The following SULT1A2 variants were observed in gnomAD, a reference collection of about 807,000 sequenced individuals.
The protein encoded by SULT1A2 is sulfotransferase 1A2.
In SULT1A2, 33 loss-of-function variants were observed where a neutral mutation model predicts 36.0. The ratio of observed to expected loss-of-function variants is 0.92; its 90% CI spans 0.69 to 1.22. The LOEUF (loss-of-function observed/expected upper bound fraction) is 1.22. SULT1A2 is among the 50% of genes most tolerant of loss of function. The pLI is 0.00. For missense variants in SULT1A2, 367 were observed against 383.2 expected, an observed-to-expected ratio of 0.96 and a Z score of 0.35; for synonymous variants, 138 against 144.5, an observed-to-expected ratio of 0.96 and a Z score of 0.32.
Position 28,595,655 on chromosome 16 carries a change from T to C in SULT1A2, c.169A>G (p.Ile57Val). ...PKSGTTWVSQ[I>V]LDMIYQGGDL... The stretch of plus-strand genomic sequence containing the variant: ...CCGCCCTGGTAGATCATGTCCAGAA[T>C]CTGGCTCACCCAGGTGGTGCCTGGA... Residue 57 changes from isoleucine (I) to valine (V), a missense_variant, in exon 3 of 8, where the codon ATT becomes GTT. Ile to Val is a conservative substitution (Grantham distance 29). Coordinates refer to ENST00000335715, the MANE Select transcript of SULT1A2 (RefSeq NM_001054.4). 1 of 1,614,142 alleles carries C rather than the reference T, an allele frequency of 6.2e-7. No homozygotes were observed. Among genetic ancestry groups the C allele is most frequent in the East Asian group, 2.2e-5 (1 of 44,870 alleles).
At position 28,597,016 on chromosome 16, in the gene SULT1A2, G is replaced by A; in HGVS notation, c.-24C>T. ...ACTCACCTGAGCTCTTGGGAACCTG[G>A]CCTTGTGCCCTCCTCGCCCGCAGTG... On this transcript the variant is annotated 5_prime_UTR_variant, in exon 1 of 8. Coordinates refer to ENST00000335715, the MANE Select transcript of SULT1A2 (RefSeq NM_001054.4). The A allele has an allele frequency of 3.1e-6, 4 of 1,281,574 alleles. No individual in the cohort carries two copies. The South Asian group carries it at 3.7e-5, about 12-fold the overall frequency. 79.4% of individuals were successfully genotyped at this position (1,281,574 alleles called of 1,614,324 possible).
intron 4 of SULT1A2, among the ~76,000 whole-genome samples, chr16:28,594,748 C>T (rs1368926245): frequency 1.3e-5 from 2 of 148,628 alleles, no homozygotes; most frequent in African/African-American, 4.9e-5. Flanking sequence ...CCACAACAGG[C>T]CCAGCCCCCT....
At chr16:28,596,772 G>A (rs1596615686) in intron 1 of SULT1A2, 2 of 281,318 alleles carry the variant, frequency 7.1e-6, no homozygotes, top group African/African-American at 2.3e-5. Flanking sequence ...ATTCAAGGCT[G>A]CAGTGGCCAG....
chr16:28,594,688 G>A (rs2047037481), intron 4 of SULT1A2, among the ~76,000 whole-genome samples: 1 of 150,704 alleles, frequency 6.6e-6, no homozygotes, highest in Non-Finnish European at 1.5e-5. Flanking sequence ...CCTAACCTTG[G>A]GTGATCTGCC....
intron 4 of SULT1A2, among the ~76,000 whole-genome samples, chr16:28,594,977 T>A (rs898571160): frequency 2.0e-5 from 3 of 151,748 alleles, no homozygotes; most frequent in African/African-American, 7.3e-5. Context: ...GAGATGGGGT[T>A]TTGCCATGTT....
chr16:28,594,225 T>C (rs2151663483), intron 4 of SULT1A2, among the ~76,000 whole-genome samples: 1 of 152,140 alleles, frequency 6.6e-6, no homozygotes, highest in East Asian at 1.9e-4. Flanking sequence ...ACTGCAACGT[T>C]GACCTCCCAG....
At chr16:28,593,119 A>T in intron 6 of SULT1A2, 133 bp downstream of exon 6, 1 of 1,342,224 alleles carries the variant, frequency 7.5e-7, no homozygotes. Context: ...GGCCTGGGCC[A>T]GGGAGTCAAG....
Position 28,595,670 on chromosome 16 carries a change from T to A in SULT1A2, c.154A>T (p.Thr52Ser), listed in dbSNP as rs752979804. ...LISTYPKSGT[T>S]WVSQILDMIY... The stretch of plus-strand genomic sequence containing the variant: ...ATGTCCAGAATCTGGCTCACCCAGG[T>A]GGTGCCTGGAGAGGGAGGGAGATGG... Residue 52 changes from threonine (T) to serine (S), a missense_variant, in exon 3 of 8, where the codon ACC becomes TCC. Transcript: ENST00000335715. The A allele has an allele frequency of 1.7e-5, 27 of 1,613,868 alleles. No individual in the cohort carries two copies. Among genetic ancestry groups the A allele is most frequent in the Non-Finnish European group, 8.5e-7 (1 of 1,179,982 alleles).
intron 4 of SULT1A2, among the ~76,000 whole-genome samples, chr16:28,594,640 AC>A (rs1327732328): frequency 6.6e-6 from 1 of 151,252 alleles, no homozygotes; most frequent in Non-Finnish European, 1.5e-5. Flanking sequence ...TTTAGTAGAG[AC>A]GGGGTTTCTC....
chr16:28,593,155 G>A (rs2047014325), intron 6 of SULT1A2, 97 bp downstream of exon 6: 1 of 1,557,632 alleles, frequency 6.4e-7, no homozygotes, highest in Non-Finnish European at 8.7e-7. Context: ...CTGCTGGAGG[G>A]GCCGCCCAGG....
intron 6 of SULT1A2, among the ~76,000 whole-genome samples, chr16:28,592,976 A>C (rs985585821): frequency 1.3e-5 from 2 of 152,154 alleles, no homozygotes; most frequent in African/African-American, 2.4e-5. Context: ...ACACCACTGC[A>C]TGCCATCCTG....
chr16:28,594,275 G>C (rs1396183858), intron 4 of SULT1A2, among the ~76,000 whole-genome samples: 1 of 151,856 alleles, frequency 6.6e-6, no homozygotes, highest in Non-Finnish European at 1.5e-5. Flanking sequence ...TGAGTAGCTG[G>C]GACTATAGCG....
At position 28,596,213 on chromosome 16, in the gene SULT1A2, G is replaced by C. The variant is rs187005228; in HGVS notation, c.-4-279C>G. 21 of 1,368,314 alleles carry C rather than the reference G, an allele frequency of 1.5e-5. No homozygotes were observed. The African/African-American group carries it at 2.1e-4, about 13-fold the overall frequency. The allele number at this position is 1,368,314 out of a possible 1,614,324, so 84.8% of individuals were successfully genotyped here. ...ACCAGTGAAAGCACCCTCGTGGCGC[G>C]GGGCCCAGATGTCAGGGTGTGTGAA... On this transcript the variant is annotated intron_variant, in intron 1 of 7. Coordinates refer to ENST00000335715, the MANE Select transcript of SULT1A2 (RefSeq NM_001054.4).
In SULT1A2 at chr16:28,593,512, G is replaced by A; in HGVS notation, c.429C>T (p.Tyr143=). The A allele has an allele frequency of 1.2e-6, 2 of 1,614,196 alleles. No individual in the cohort carries two copies. The highest frequency in any genetic ancestry group is 1.7e-6 in the Non-Finnish European group (2 of 1,180,032). Residue 143 remains tyrosine (Y), a synonymous_variant, in exon 5 of 8, where the codon TAC becomes TAT. Transcript: ENST00000335715. Reference sequence around the variant, plus strand: ...GGTGAGGGTACACTTTGGCCATGTGGTAGAAGTGGTAGTAGGAAACCGCCA... The same window carrying A: ...GGTGAGGGTACACTTTGGCCATGTGATAGAAGTGGTAGTAGGAAACCGCCA... ...KDVAVSYYHF[Y]HMAKVYPHPG... is the part of the protein sequence containing the mutation.
At position 28,595,668 on chromosome 16, in the gene SULT1A2, G is replaced by A; in HGVS notation, c.156C>T (p.Thr52=). 6.2e-7 allele frequency: 1 copy of A among 1,614,156 alleles called. No individual in the cohort carries two copies. The highest frequency in any genetic ancestry group is 8.5e-7 in the Non-Finnish European group (1 of 1,180,004). The change falls in exon 3 of 8, where the codon ACC becomes ACT. Residue 52 remains threonine (T), a synonymous_variant. Transcript: ENST00000335715. ...TCATGTCCAGAATCTGGCTCACCCA[G>A]GTGGTGCCTGGAGAGGGAGGGAGAT... is the stretch of plus-strand genomic sequence containing the variant. ...LISTYPKSGT[T]WVSQILDMIY... is the part of the protein sequence containing the mutation.
intron 6 of SULT1A2, among the ~76,000 whole-genome samples, 166 bp downstream of exon 6, chr16:28,593,086 G>A (rs1479148576): frequency 1.3e-5 from 2 of 152,218 alleles, no homozygotes; most frequent in Non-Finnish European, 2.9e-5. Flanking sequence ...TGCCCAGCCT[G>A]CTGCCACATG....
intron 4 of SULT1A2, among the ~76,000 whole-genome samples, chr16:28,594,107 TG>T (rs141661622): frequency 0.056 from 7,133 of 126,274 alleles, 254 homozygotes; most frequent in East Asian, 0.2. Context: ...TTTTTTTTTT[TG>T]GGGGGGGGGA....
intron 4 of SULT1A2, among the ~76,000 whole-genome samples, chr16:28,594,129 CA>C (rs1386915660): frequency 2.2e-5 from 3 of 138,256 alleles, no homozygotes; most frequent in Admixed American, 7.4e-5. Flanking sequence ...CTCTAGGTCT[CA>C]AAAAAAAGAG....
At position 28,596,466 on chromosome 16, in the gene SULT1A2, G is replaced by C. The variant is rs1433066330; in HGVS notation, c.-5+531C>G. ...CACTTGCCCGGCCACAGTCCATCTG[G>C]GCTCCAGGACAAACAGCCCATTGAG... On this transcript the variant is annotated intron_variant, in intron 1 of 7. Coordinates refer to ENST00000335715, the MANE Select transcript of SULT1A2 (RefSeq NM_001054.4). 35 of 761,960 alleles carry C rather than the reference G, an allele frequency of 4.6e-5. 1 individual carries two copies. In the South Asian group the frequency reaches 7.7e-4, roughly 17 times the overall value. The allele number at this position is 761,960 out of a possible 1,614,324, so 47.2% of individuals were successfully genotyped here. A position where few individuals can be genotyped will look rare whatever the true frequency, so the allele number is the denominator to read the frequency against.
Sources: allele counts gnomAD v4.1 joint callset (sites outside exome capture counted in the v4.1 genomes callset), GRCh38; gene constraint gnomAD v4.1.1; transcripts MANE v1.5; gene names NCBI Gene and HGNC (gene_info 2026-07-23, HGNC 2026-07-21).